The following DLGAP2 variants were observed in gnomAD, a reference collection of about 807,000 sequenced individuals.
DLGAP2 encodes DLG associated protein 2, also known as disks large-associated protein 2.
Under a neutral mutation model 100.3 loss-of-function variants are expected in DLGAP2, and 26 were observed. That is an observed-to-expected ratio of 0.26 (90% confidence interval 0.19 to 0.36). The LOEUF is 0.36. Ranked by LOEUF, DLGAP2 falls within the 10% of genes least tolerant of loss-of-function variation. DLGAP2 has a pLI of 1.00. For missense variants in DLGAP2, 1,858 were observed against 1,453.2 expected (o/e 1.28, Z -4.53); for synonymous variants, 886 against 630.1 (o/e 1.41, Z -6.08).
At chr8:1,475,309 A>C (rs1217687407) in intron 3 of DLGAP2, among the ~76,000 whole-genome samples, 2 of 152,106 alleles carry the variant, frequency 1.3e-5, no homozygotes, top group Non-Finnish European at 2.9e-5. Flanking sequence ...TCAATTCTAA[A>C]ATAAACGTTA....
chr8:1,587,417 C>T (rs1796154926), intron 6 of DLGAP2, among the ~76,000 whole-genome samples: 1 of 152,146 alleles, frequency 6.6e-6, no homozygotes, highest in Admixed American at 6.5e-5. Context: ...TTTTCTAATT[C>T]ATTAACTTCT....
intron 1 of DLGAP2, among the ~76,000 whole-genome samples, chr8:790,463 G>A (rs1821996499): frequency 6.6e-6 from 1 of 152,132 alleles, no homozygotes; most frequent in Non-Finnish European, 1.5e-5. Context: ...TTCATCTATA[G>A]GAGTTACCTT....
At chr8:1,075,486 A>G (rs1360827730) in intron 2 of DLGAP2, among the ~76,000 whole-genome samples, 1 of 151,944 alleles carries the variant, frequency 6.6e-6, no homozygotes, top group Non-Finnish European at 1.5e-5. Flanking sequence ...TTTTCCCTCT[A>G]CTGTCCTCTT....
chr8:789,509 G>A (rs140127293), intron 1 of DLGAP2, among the ~76,000 whole-genome samples: 1 of 152,212 alleles, frequency 6.6e-6, no homozygotes, highest in African/African-American at 2.4e-5. Context: ...ACAATTTGAC[G>A]TGAGATTTGG....
chr8:1,052,130 G>T (rs1802734187), intron 2 of DLGAP2, among the ~76,000 whole-genome samples: 1 of 152,076 alleles, frequency 6.6e-6, no homozygotes. Context: ...AGTGCCTATT[G>T]TGGGCACTGA....
intron 3 of DLGAP2, among the ~76,000 whole-genome samples, chr8:1,286,894 G>A (rs1191719617): frequency 6.6e-6 from 1 of 152,254 alleles, no homozygotes; most frequent in Non-Finnish European, 1.5e-5. Flanking sequence ...ATTCTCAGTA[G>A]AATGAGAACG....
chr8:1,358,159 G>A (rs1182038092), intron 3 of DLGAP2, among the ~76,000 whole-genome samples: 1 of 152,186 alleles, frequency 6.6e-6, no homozygotes, highest in African/African-American at 2.4e-5. Context: ...ATCCTTTTCT[G>A]AAGTAGCTTT....
At chr8:1,151,119 G>T (rs535549793) in intron 2 of DLGAP2, among the ~76,000 whole-genome samples, 1 of 152,268 alleles carries the variant, frequency 6.6e-6, no homozygotes, top group East Asian at 1.9e-4. Context: ...ATCATCGGTA[G>T]TGACTGGCTT....
chr8:1,346,638 C>T (rs1030663959), intron 3 of DLGAP2, among the ~76,000 whole-genome samples: 5 of 151,430 alleles, frequency 3.3e-5, no homozygotes, highest in Non-Finnish European at 5.9e-5. Context: ...AACAGAGCTG[C>T]ATTGCACTCA....
At chr8:1,359,301 G>A (rs1801924123) in intron 3 of DLGAP2, among the ~76,000 whole-genome samples, 1 of 152,232 alleles carries the variant, frequency 6.6e-6, no homozygotes, top group Admixed American at 6.5e-5. Context: ...GGCGGTCCAT[G>A]CGCCCTGGTT....
intron 2 of DLGAP2, among the ~76,000 whole-genome samples, chr8:1,175,143 G>A (rs998864368): frequency 2.0e-5 from 3 of 152,010 alleles, no homozygotes; most frequent in African/African-American, 7.3e-5. Context: ...AATCTATTTT[G>A]TTAAATGTTA....
At chr8:774,228 A>T (rs1232069480) in intron 1 of DLGAP2, among the ~76,000 whole-genome samples, 1 of 151,944 alleles carries the variant, frequency 6.6e-6, no homozygotes, top group Non-Finnish European at 1.5e-5. Context: ...GTTTGAGTTC[A>T]TTGTAGATTC....
chr8:819,493 C>T (rs1032979214), intron 1 of DLGAP2, among the ~76,000 whole-genome samples: 1 of 152,130 alleles, frequency 6.6e-6, no homozygotes, highest in Non-Finnish European at 1.5e-5. Flanking sequence ...TCTGAAGTCT[C>T]TACTATCTTG....
rs1436138289 is a variant in DLGAP2 at position 1,561,963 on chromosome 8, C to T, written c.1231-3720C>T. Reference sequence around the variant, plus strand: ...CGGGACTGTGTGGTGTTGGGGTGTCCGCGCCTCGTTGCTGCGGGACTGTGT... The same window carrying T: ...CGGGACTGTGTGGTGTTGGGGTGTCTGCGCCTCGTTGCTGCGGGACTGTGT... On this transcript the variant is annotated intron_variant, in intron 5 of 14. Transcript: ENST00000637795. 2.9e-4 allele frequency among the ~76,000 whole-genome samples: 16 copies of T among 54,500 alleles called. 3 individuals carry two copies. The highest frequency in any genetic ancestry group is 1.1e-3 in the Admixed American group (4 of 3,674). The allele number at this position is 54,500 out of a possible 152,430, so 35.8% of individuals were successfully genotyped here.
chr8:1,304,493 T>G (rs1019030068), intron 3 of DLGAP2, among the ~76,000 whole-genome samples: 1 of 152,166 alleles, frequency 6.6e-6, no homozygotes, highest in Admixed American at 6.5e-5. Context: ...AAGCAGGAGA[T>G]GTAAGGAAAA....
intron 3 of DLGAP2, among the ~76,000 whole-genome samples, chr8:1,341,811 G>C (rs1801424835): frequency 6.6e-6 from 1 of 152,218 alleles, no homozygotes; most frequent in South Asian, 2.1e-4. Context: ...TCCATCTGCA[G>C]GCCCTGGCAC....
chr8:1,666,224 G>A (rs929530707), intron 8 of DLGAP2, among the ~76,000 whole-genome samples: 3 of 152,168 alleles, frequency 2.0e-5, no homozygotes, highest in Non-Finnish European at 4.4e-5. Flanking sequence ...TGACGTTAGA[G>A]GGAAAAGTCA....
intron 2 of DLGAP2, among the ~76,000 whole-genome samples, chr8:1,107,888 G>A (rs1305157667): frequency 1.3e-5 from 2 of 152,122 alleles, no homozygotes; most frequent in African/African-American, 2.4e-5. Context: ...CGGGGAGCAC[G>A]AGAGGGAGCT....
chr8:1,229,172 T>G (rs1048345619), intron 2 of DLGAP2, among the ~76,000 whole-genome samples: 4 of 152,056 alleles, frequency 2.6e-5, no homozygotes, highest in African/African-American at 9.7e-5. Flanking sequence ...AAACTTATAC[T>G]CTGAAAACTA....
Sources: gnomAD v4.1 joint callset for allele counts (sites outside exome capture counted in the v4.1 genomes callset) on GRCh38, gnomAD v4.1.1 for gene constraint, MANE v1.5 for transcripts, NCBI Gene and HGNC (gene_info 2026-07-23, HGNC 2026-07-21) for gene names.